Variants in GALNT2 observed in about 807,000 individuals in gnomAD.
GALNT2 encodes the protein polypeptide N-acetylgalactosaminyltransferase 2, also known as UDP-GalNAc:polypeptide N-acetylgalactosaminyltransferase 2.
A neutral mutation model predicts 81.4 loss-of-function variants in GALNT2; 31 were observed. That is an observed-to-expected ratio of 0.38 (90% CI 0.29 to 0.51). The LOEUF is 0.51. Among genes scored for constraint, GALNT2 ranks in the 20% least tolerant of loss-of-function variants. GALNT2 has a pLI of 0.87. For synonymous variants in GALNT2, 303 were observed against 287.4 expected, an observed-to-expected ratio of 1.05 and a Z score of -0.55; for missense variants, 629 against 765.7, an observed-to-expected ratio of 0.82 and a Z score of 2.11.
chr1:230,198,747 C>T (rs1663790635), intron 2 of GALNT2, among the ~76,000 whole-genome samples: 1 of 152,150 alleles, frequency 6.6e-6, no homozygotes, highest in African/African-American at 2.4e-5. Flanking sequence ...GGTTTCAAGG[C>T]TGGTAAGGTC....
rs1665738799 is a variant in GALNT2 at position 230,257,130 on chromosome 1, C to CT, written c.1136+1789dup. Among the ~76,000 whole-genome samples the CT allele has an allele frequency of 6.6e-6, 1 of 152,240 alleles. No individual in the cohort carries two copies. The highest frequency in any genetic ancestry group is 1.5e-5 in the Non-Finnish European group (1 of 68,042). Reference sequence around the variant, plus strand: ...AGCTAGACAGGCCCGGGCCATGCACCTTTGCAGGTCATGGGAAACGTTGGA... The same window carrying CT: ...AGCTAGACAGGCCCGGGCCATGCACCTTTTGCAGGTCATGGGAAACGTTGGA... On this transcript the variant is annotated intron_variant, in intron 11 of 15. Transcript: ENST00000366672. The surrounding 1 kb of genome is among the most constrained non-coding windows in gnomAD (Gnocchi z 4.6).
intron 2 of GALNT2, among the ~76,000 whole-genome samples, chr1:230,196,984 G>A (rs1295888887): frequency 6.6e-6 from 1 of 152,066 alleles, no homozygotes; most frequent in East Asian, 1.9e-4. Context: ...TGATATGGCT[G>A]ATAGTAAAAC....
intron 7 of GALNT2, among the ~76,000 whole-genome samples, chr1:230,244,198 T>C (rs1417718648): frequency 6.6e-6 from 1 of 152,082 alleles, no homozygotes; most frequent in Non-Finnish European, 1.5e-5. Flanking sequence ...CATGGAATAC[T>C]AAGTAACCAC....
chr1:230,264,574 C>T (rs555353939), intron 13 of GALNT2: 3 of 152,362 alleles, frequency 2.0e-5, no homozygotes, highest in South Asian at 2.1e-4. Context: ...GTAATATCAC[C>T]GCCGTTTACT....
intron 1 of GALNT2, among the ~76,000 whole-genome samples, chr1:230,104,567 G>C (rs1298431767): frequency 1.3e-5 from 2 of 152,184 alleles, no homozygotes; most frequent in Non-Finnish European, 2.9e-5. Context: ...CAGGTGGTTG[G>C]AGCTGCTTCG....
intron 1 of GALNT2, among the ~76,000 whole-genome samples, chr1:230,071,081 C>G (rs1659356635): frequency 6.6e-6 from 1 of 152,114 alleles, no homozygotes; most frequent in Non-Finnish European, 1.5e-5. Context: ...TAACTGCTAT[C>G]TCTAAAAGAG....
upstream of GALNT2, among the ~76,000 whole-genome samples, chr1:230,064,653 T>C (rs1206011443): frequency 6.6e-6 from 1 of 152,186 alleles, no homozygotes; most frequent in Non-Finnish European, 1.5e-5. Flanking sequence ...CTCGAGTAGC[T>C]GCGATTACAG....
chr1:230,066,867 G>A (rs1258045418), upstream of GALNT2, among the ~76,000 whole-genome samples: 1 of 151,838 alleles, frequency 6.6e-6, no homozygotes, highest in East Asian at 1.9e-4. Context: ...ACGGGGGAGG[G>A]GGCGGCCGGC....
chr1:230,167,198 T>C (rs1018609321), intron 1 of GALNT2, among the ~76,000 whole-genome samples: 1 of 151,628 alleles, frequency 6.6e-6, no homozygotes, highest in Non-Finnish European at 1.5e-5. Context: ...CAGGCTGGAG[T>C]GCGATGATGC....
intron 11 of GALNT2, 86 bp from the exon 12 acceptor site, chr1:230,262,487 C>T (rs114808494): frequency 2.6e-6 from 3 of 1,169,204 alleles, no homozygotes; most frequent in South Asian, 1.3e-5. Flanking sequence ...GGAGCCGCCT[C>T]AGTCACACGC....
At chr1:230,109,466 G>A (rs1660639735) in intron 1 of GALNT2, among the ~76,000 whole-genome samples, 1 of 152,208 alleles carries the variant, frequency 6.6e-6, no homozygotes, top group Non-Finnish European at 1.5e-5. Flanking sequence ...CTAATGACCT[G>A]GAAAGACTGG....
intron 1 of GALNT2, among the ~76,000 whole-genome samples, chr1:230,167,861 C>T (rs1218402425): frequency 6.6e-6 from 1 of 152,228 alleles, no homozygotes; most frequent in Admixed American, 6.5e-5. Flanking sequence ...CACCTCTCTC[C>T]TCCCACCTTT....
intron 1 of GALNT2, among the ~76,000 whole-genome samples, chr1:230,107,380 C>A (rs1224203326): frequency 6.6e-6 from 1 of 152,124 alleles, no homozygotes; most frequent in African/African-American, 2.4e-5. Context: ...CGAGACCAGC[C>A]TGGGCAACAG....
intron 6 of GALNT2, among the ~76,000 whole-genome samples, chr1:230,242,109 A>T (rs1340383607): frequency 6.6e-6 from 1 of 152,192 alleles, no homozygotes; most frequent in Non-Finnish European, 1.5e-5. Context: ...AAAAAAGGCT[A>T]CATTGCAGTG....
At chr1:230,272,977 G>T (rs932225760) in intron 14 of GALNT2, among the ~76,000 whole-genome samples, 36 of 152,084 alleles carry the variant, frequency 2.4e-4, no homozygotes, top group African/African-American at 8.2e-4. Context: ...TCGCTATGTT[G>T]CCTAGGCTGA....
chr1:230,192,035 A>G (rs1663543639), intron 2 of GALNT2, among the ~76,000 whole-genome samples: 1 of 152,238 alleles, frequency 6.6e-6, no homozygotes, highest in South Asian at 2.1e-4. Flanking sequence ...CAGAGACAGG[A>G]ACACCTGCTC....
intron 1 of GALNT2, among the ~76,000 whole-genome samples, chr1:230,092,292 T>C (rs1032768138): frequency 6.6e-6 from 1 of 151,524 alleles, no homozygotes; most frequent in Admixed American, 6.6e-5. Context: ...CTTGAGTTCT[T>C]TCCTGGAAAG....
chr1:230,276,733 G>A (rs1466639683), intron 15 of GALNT2, among the ~76,000 whole-genome samples: 1 of 152,200 alleles, frequency 6.6e-6, no homozygotes, highest in African/African-American at 2.4e-5. Flanking sequence ...ATCTCTAAAT[G>A]TCCATCTGTG....
intron 1 of GALNT2, among the ~76,000 whole-genome samples, chr1:230,125,081 T>C (rs577916038): frequency 2.0e-5 from 3 of 152,372 alleles, no homozygotes; most frequent in Middle Eastern, 6.8e-3. Context: ...TAACCTGGTC[T>C]CCGCTAAGCG....
Sources: allele counts gnomAD v4.1 joint callset (sites outside exome capture counted in the v4.1 genomes callset), GRCh38; gene constraint gnomAD v4.1.1; non-coding constraint Gnocchi (gnomAD v3.1); transcripts MANE v1.5; gene names NCBI Gene and HGNC (gene_info 2026-07-23, HGNC 2026-07-21).